SLC25A12: variants seen among roughly 807,000 people sequenced by gnomAD.
The protein encoded by SLC25A12 is electrogenic aspartate/glutamate antiporter SLC25A12, mitochondrial.
SLC25A12 carries 32 observed loss-of-function variants against 83.3 expected under a neutral mutation model. That is an observed-to-expected ratio of 0.38 (90% CI 0.29 to 0.52). The LOEUF is 0.52. Ranked by LOEUF, SLC25A12 falls within the 20% of genes least tolerant of loss-of-function variation. The pLI is 0.84. For synonymous variants in SLC25A12, 267 were observed against 291.1 expected (o/e 0.92, Z 0.84); for missense variants, 611 against 835.6 (o/e 0.73, Z 3.31).
chr2:171,891,843 T>C (rs1038188094), intron 2 of SLC25A12, among the ~76,000 whole-genome samples: 2 of 152,232 alleles, frequency 1.3e-5, no homozygotes, highest in African/African-American at 4.8e-5. Flanking sequence ...TGGAAAAAAA[T>C]ACTTCCCTTA....
intron 13 of SLC25A12, among the ~76,000 whole-genome samples, chr2:171,808,080 G>A (rs1263185122): frequency 6.6e-6 from 1 of 152,248 alleles, no homozygotes; most frequent in Admixed American, 6.5e-5. Flanking sequence ...TCAACTGGAA[G>A]TTATTAATGT....
At chr2:171,890,204 T>C (rs899840187) in intron 2 of SLC25A12, among the ~76,000 whole-genome samples, 3 of 152,254 alleles carry the variant, frequency 2.0e-5, no homozygotes, top group South Asian at 4.1e-4. Flanking sequence ...TAAAAGTGCA[T>C]GGTACACAGC....
intron 6 of SLC25A12, among the ~76,000 whole-genome samples, chr2:171,836,792 CTT>C (rs1460159352): frequency 2.0e-5 from 3 of 152,142 alleles, no homozygotes; most frequent in Non-Finnish European, 2.9e-5. Context: ...TCTATAAACT[CTT>C]GTTTCCCTTG....
intron 13 of SLC25A12, among the ~76,000 whole-genome samples, chr2:171,804,799 T>C (rs1361446799): frequency 2.0e-5 from 3 of 152,148 alleles, no homozygotes; most frequent in African/African-American, 4.8e-5. Context: ...TCCTAGCTAC[T>C]CATGAAGCTG....
chr2:171,832,415 A>G (rs1470007603), intron 8 of SLC25A12, among the ~76,000 whole-genome samples: 1 of 152,178 alleles, frequency 6.6e-6, no homozygotes, highest in East Asian at 1.9e-4. Flanking sequence ...AAACTAACCC[A>G]TATGTTCACC....
At chr2:171,876,722 G>C (rs902611110) in intron 2 of SLC25A12, among the ~76,000 whole-genome samples, 1 of 152,118 alleles carries the variant, frequency 6.6e-6, no homozygotes, top group Non-Finnish European at 1.5e-5. Flanking sequence ...CAATTTAATA[G>C]TTTCATAATA....
chr2:171,854,832 A>G (rs968986768), intron 4 of SLC25A12, among the ~76,000 whole-genome samples: 1 of 152,206 alleles, frequency 6.6e-6, no homozygotes, highest in Non-Finnish European at 1.5e-5. Context: ...ACAATAGTGA[A>G]TAAGTGTTTA....
chr2:171,793,253 AAG>A (rs1193001933), intron 14 of SLC25A12, among the ~76,000 whole-genome samples: 2 of 152,134 alleles, frequency 1.3e-5, no homozygotes, highest in Non-Finnish European at 2.9e-5. Context: ...TCCCACTGGG[AAG>A]ATAACAATAG....
At chr2:171,874,240 T>C (rs933218788) in intron 2 of SLC25A12, among the ~76,000 whole-genome samples, 2 of 144,492 alleles carry the variant, frequency 1.4e-5, no homozygotes, top group African/African-American at 5.2e-5. Flanking sequence ...AAAATAATAA[T>C]AATTAGTTGG....
At chr2:171,834,177 C>A in intron 7 of SLC25A12, 121 bp from the exon 8 acceptor site, 2 of 651,588 alleles carry the variant, frequency 3.1e-6, no homozygotes, top group Non-Finnish European at 5.5e-6. Context: ...TTTTTAAAAT[C>A]TAAAATTGAA....
At chr2:171,861,250 G>A (rs2105910419) in intron 3 of SLC25A12, among the ~76,000 whole-genome samples, 1 of 152,128 alleles carries the variant, frequency 6.6e-6, no homozygotes, top group South Asian at 2.1e-4. Flanking sequence ...TGGGAGGAAT[G>A]AGAGAAAAAT....
intron 13 of SLC25A12, among the ~76,000 whole-genome samples, chr2:171,794,894 T>C (rs1215308715): frequency 1.3e-5 from 2 of 152,176 alleles, no homozygotes; most frequent in African/African-American, 4.8e-5. Context: ...AAAATTCACA[T>C]GCAGCTTTCA....
intron 10 of SLC25A12, 49 bp downstream of exon 10, chr2:171,815,072 A>C: frequency 6.9e-7 from 1 of 1,444,136 alleles, no homozygotes; most frequent in Non-Finnish European, 9.8e-7. Flanking sequence ...CTGGTGAGAT[A>C]ATATTACATT....
chr2:171,866,405 G>A (rs1685304775), intron 3 of SLC25A12, among the ~76,000 whole-genome samples: 1 of 146,786 alleles, frequency 6.8e-6, no homozygotes, highest in African/African-American at 2.5e-5. Flanking sequence ...CCCAGTAGGG[G>A]CGGCCGGGCA....
At chr2:171,828,090 G>T (rs1452833150) in intron 8 of SLC25A12, among the ~76,000 whole-genome samples, 1 of 152,190 alleles carries the variant, frequency 6.6e-6, no homozygotes, top group Admixed American at 6.5e-5. Context: ...GACCACCATT[G>T]CCTGGTTTGG....
At chr2:171,871,652 G>A in intron 2 of SLC25A12, 2 of 901,344 alleles carry the variant, frequency 2.2e-6, no homozygotes, top group Non-Finnish European at 2.7e-6. Flanking sequence ...CGACTTCCTA[G>A]TTTCCCTGTC....
At chr2:171,829,459 A>G (rs1176371336) in intron 8 of SLC25A12, among the ~76,000 whole-genome samples, 3 of 152,048 alleles carry the variant, frequency 2.0e-5, no homozygotes, top group African/African-American at 7.2e-5. Flanking sequence ...CCACCCCCAT[A>G]TAACCCCTTG....
intron 13 of SLC25A12, among the ~76,000 whole-genome samples, chr2:171,809,274 T>C (rs1056039681): frequency 5.3e-5 from 8 of 152,062 alleles, no homozygotes; most frequent in Non-Finnish European, 1.0e-4. Context: ...CTTGAGGAAT[T>C]GCCACACTGT....
chr2:171,866,902 C>G (rs1685332991), intron 3 of SLC25A12, among the ~76,000 whole-genome samples: 1 of 150,792 alleles, frequency 6.6e-6, no homozygotes, highest in African/African-American at 2.4e-5. Flanking sequence ...CGGAGGGGCT[C>G]CTCACTTCTC....
Sources: allele counts gnomAD v4.1 joint callset (sites outside exome capture counted in the v4.1 genomes callset), GRCh38; gene constraint gnomAD v4.1.1; transcripts MANE v1.5; gene names NCBI Gene and HGNC (gene_info 2026-07-23, HGNC 2026-07-21).